Variants in C16orf78 observed in about 807,000 individuals in gnomAD.
The protein encoded by C16orf78 is chromosome 16 open reading frame 78, also known as uncharacterized protein C16orf78.
In C16orf78, 19 loss-of-function variants were observed where a neutral mutation model predicts 27.3. That is an observed-to-expected ratio of 0.70 (90% CI 0.49 to 1.02). C16orf78 has a LOEUF of 1.02. Among genes scored for constraint, C16orf78 ranks in the 50% least tolerant of loss-of-function variants. C16orf78 has a pLI of 0.00. For missense variants in C16orf78, 339 were observed against 337.0 expected, an observed-to-expected ratio of 1.01 and a Z score of -0.05; for synonymous variants, 130 against 116.1, an observed-to-expected ratio of 1.12 and a Z score of -0.77.
Position 49,399,152 on chromosome 16 carries a change from G to C in C16orf78, c.672G>C (p.Glu224Asp). Residue 224 changes from glutamate to aspartate, a missense_variant, in exon 5 of 5, where the codon GAG becomes GAC. Glu to Asp is a conservative substitution (Grantham distance 45). Coordinates refer to ENST00000299191, the MANE Select transcript of C16orf78 (RefSeq NM_144602.4). ...ACAGATACCTGAGGTTATCCAAGGA[G>C]AACATTCGGACCTTGCTCAAGTTGT... ...LSCRYLRLSK[E>D]NIRTLLKLCK... 1 of 1,614,086 alleles carries C rather than the reference G, an allele frequency of 6.2e-7. No individual in the cohort carries two copies. The highest frequency in any genetic ancestry group is 8.5e-7 in the Non-Finnish European group (1 of 1,179,976).
rs1275423352 is a variant in C16orf78 at position 49,374,045 on chromosome 16, G to C, written c.106G>C (p.Glu36Gln). ...CATGTCTGACCTCACCTGTGTGCTG[G>C]AGTGGCTGGAGCGGAGGCAGGGGAA... ...RRMSDLTCVL[E>Q]WLERRQGKKK... is the part of the protein sequence containing the mutation. The change falls in exon 1 of 5, where the codon GAG (glutamate) becomes CAG (glutamine). Residue 36 changes from glutamate (E) to glutamine (Q), a missense_variant. By Grantham distance (29) the Glu-to-Gln change is conservative. Transcript: ENST00000299191. The C allele has an allele frequency of 2.5e-6, 4 of 1,614,194 alleles. No homozygotes were observed. The Admixed American group carries it at 5.0e-5, about 20-fold the overall frequency.
intron 3 of C16orf78, among the ~76,000 whole-genome samples, chr16:49,389,274 T>G (rs152660): frequency 0.31 from 46,513 of 151,926 alleles, 10,181 homozygotes; most frequent in African/African-American, 0.62. Flanking sequence ...AATACAAAAA[T>G]TAGCCAGGCA....
chr16:49,377,951 T>G, intron 2 of C16orf78, 101 bp downstream of exon 2: 2 of 1,450,578 alleles, frequency 1.4e-6, no homozygotes, highest in South Asian at 2.8e-5. Flanking sequence ...TTTCTAAATT[T>G]CAAGGCTCCG....
intron 4 of C16orf78, among the ~76,000 whole-genome samples, chr16:49,397,805 G>A (rs764961365): frequency 7.9e-5 from 12 of 152,156 alleles, no homozygotes; most frequent in East Asian, 3.9e-4. Context: ...TCTCTCTGTC[G>A]CCCAGGCTGG....
intron 3 of C16orf78, among the ~76,000 whole-genome samples, chr16:49,392,408 T>C (rs940286900): frequency 6.6e-6 from 1 of 152,120 alleles, no homozygotes; most frequent in Admixed American, 6.6e-5. Context: ...TAATTTAAAA[T>C]AAAATCTAGA....
intron 3 of C16orf78, among the ~76,000 whole-genome samples, chr16:49,379,365 G>A (rs1431278257): frequency 6.6e-6 from 1 of 151,768 alleles, no homozygotes; most frequent in Non-Finnish European, 1.5e-5. Context: ...TGGGACAAAG[G>A]TGTAGGGTAA....
intron 1 of C16orf78, 97 bp from the exon 2 acceptor site, chr16:49,377,634 G>A (rs1965235622): frequency 2.7e-6 from 4 of 1,467,852 alleles, no homozygotes; most frequent in Non-Finnish European, 3.7e-6. Flanking sequence ...TGGAGGGGAG[G>A]GACAGCCCCT....
chr16:49,395,461 GA>G (rs10708887), intron 3 of C16orf78, among the ~76,000 whole-genome samples: 44,621 of 151,136 alleles, frequency 0.3, 9,133 homozygotes, highest in African/African-American at 0.59. Context: ...TTTTTTTTGC[GA>G]TTTTTTTTTT....
At chr16:49,391,762 C>T (rs1965415518) in intron 3 of C16orf78, among the ~76,000 whole-genome samples, 1 of 152,204 alleles carries the variant, frequency 6.6e-6, no homozygotes, top group Non-Finnish European at 1.5e-5. Flanking sequence ...TCGCTCCTTC[C>T]TTCATGAGAC....
At chr16:49,387,368 T>G (rs1429449490) in intron 3 of C16orf78, among the ~76,000 whole-genome samples, 1 of 152,180 alleles carries the variant, frequency 6.6e-6, no homozygotes, top group Admixed American at 6.5e-5. Flanking sequence ...GTCAGATGCA[T>G]AGTTTGAAAT....
At position 49,377,814 on chromosome 16, in the gene C16orf78, G is replaced by T; in HGVS notation, c.234G>T (p.Arg78=). Residue 78 remains arginine (R), a synonymous_variant, in exon 2 of 5, where the codon CGG becomes CGT. Transcript: ENST00000299191. ...EKKGKGLMTA[R]GGNRRDTETS... Reference sequence around the variant, plus strand: ...AAGGCAAAGGCCTCATGACAGCACGGGGAGGGAACCGCAGGGACACGGAGA... The same window carrying T: ...AAGGCAAAGGCCTCATGACAGCACGTGGAGGGAACCGCAGGGACACGGAGA... 6.3e-7 allele frequency: 1 copy of T among 1,588,412 alleles called. No homozygotes were observed.
intron 4 of C16orf78, among the ~76,000 whole-genome samples, chr16:49,398,389 G>T (rs1191722569): frequency 6.6e-6 from 1 of 152,240 alleles, no homozygotes; most frequent in East Asian, 1.9e-4. Context: ...GGATCACACA[G>T]TACAAATGGG....
rs78182667 is a variant in C16orf78, at chr16:49,396,915, A to T, written c.650+237A>T. Reference sequence around the variant, plus strand: ...ATGGGCATGTCATTTAGGTGCTGCCACTTTGATGCCACACCTTTCAACAAC... The same window carrying T: ...ATGGGCATGTCATTTAGGTGCTGCCTCTTTGATGCCACACCTTTCAACAAC... On this transcript the variant is annotated intron_variant, in intron 4 of 4. Coordinates refer to ENST00000299191, the MANE Select transcript of C16orf78 (RefSeq NM_144602.4). Among the ~76,000 whole-genome samples, 881 of 152,308 alleles carry T rather than the reference A, an allele frequency of 5.8e-3. 10 individuals carry two copies. Among genetic ancestry groups the T allele is most frequent in the African/African-American group, 0.02 (846 of 41,560 alleles).
intron 3 of C16orf78, among the ~76,000 whole-genome samples, chr16:49,389,220 C>T (rs1490011223): frequency 2.6e-5 from 4 of 151,974 alleles, no homozygotes; most frequent in Admixed American, 1.3e-4. Flanking sequence ...GTTAGGAGTT[C>T]GAGACCAGCT....
chr16:49,375,034 C>T (rs1965196570), intron 1 of C16orf78, among the ~76,000 whole-genome samples: 4 of 152,168 alleles, frequency 2.6e-5, no homozygotes, highest in Admixed American at 1.3e-4. Flanking sequence ...AGATTTGTAC[C>T]TGGGTTATGT....
Position 49,377,361 on chromosome 16 carries a change from G to A in C16orf78, c.151-370G>A, listed in dbSNP as rs113616073. On this transcript the variant is annotated intron_variant, in intron 1 of 4. Coordinates refer to ENST00000299191, the MANE Select transcript of C16orf78 (RefSeq NM_144602.4). ...TGTTCAAAGTCAGGGCAGCCTTCCTGTGACTCCACACTGGAGGCAGGGGCA... is the reference window on the plus strand; with the variant it reads ...TGTTCAAAGTCAGGGCAGCCTTCCTATGACTCCACACTGGAGGCAGGGGCA... Among the ~76,000 whole-genome samples, 124 of 152,226 alleles carry A rather than the reference G, an allele frequency of 8.1e-4. 1 individual carries two copies. The highest frequency in any genetic ancestry group is 3.4e-3 in the Middle Eastern group (1 of 294).
At chr16:49,382,602 C>T (rs1965300537) in intron 3 of C16orf78, among the ~76,000 whole-genome samples, 1 of 152,112 alleles carries the variant, frequency 6.6e-6, no homozygotes, top group Admixed American at 6.5e-5. Flanking sequence ...ATATTTTTCT[C>T]AACTCCAAGA....
intron 3 of C16orf78, 59 bp downstream of exon 3, chr16:49,378,652 GA>G: frequency 6.2e-7 from 1 of 1,602,918 alleles, no homozygotes; most frequent in Non-Finnish European, 8.5e-7. Flanking sequence ...TCCTCCTCTA[GA>G]AGAAACCGAA....
chr16:49,393,290 A>G (rs1026937669), intron 3 of C16orf78, among the ~76,000 whole-genome samples: 3 of 152,234 alleles, frequency 2.0e-5, no homozygotes, highest in African/African-American at 7.2e-5. Context: ...GGAAATACAT[A>G]GAAGAATGTA....
Sources: gnomAD v4.1 joint callset for allele counts (sites outside exome capture counted in the v4.1 genomes callset) on GRCh38, gnomAD v4.1.1 for gene constraint, MANE v1.5 for transcripts, NCBI Gene and HGNC (gene_info 2026-07-23, HGNC 2026-07-21) for gene names.